Variants in UBR4 observed in about 807,000 individuals in gnomAD.
The protein encoded by UBR4 is E3 ubiquitin-protein ligase UBR4.
UBR4 carries 124 observed loss-of-function variants against 575.6 expected under a neutral mutation model. That is an observed-to-expected ratio of 0.22 (90% CI 0.19 to 0.25). The LOEUF (loss-of-function observed/expected upper bound fraction) is 0.25. Among genes scored for constraint, UBR4 ranks in the 10% least tolerant of loss-of-function variants. The pLI is 1.00. For missense variants in UBR4, 4,818 were observed against 6,478.8 expected, an observed-to-expected ratio of 0.74 and a Z score of 8.80; for synonymous variants, 2,455 against 2,473.7, an observed-to-expected ratio of 0.99 and a Z score of 0.22.
chr1:19,146,417 G>A (rs2084876010), intron 52 of UBR4, among the ~76,000 whole-genome samples: 1 of 152,222 alleles, frequency 6.6e-6, no homozygotes, highest in African/African-American at 2.4e-5. Context: ...TGAGGAAACA[G>A]CACTGAGCAC....
intron 8 of UBR4, among the ~76,000 whole-genome samples, chr1:19,195,939 G>T (rs865901292): frequency 6.9e-6 from 1 of 144,052 alleles, no homozygotes; most frequent in East Asian, 2.0e-4. Flanking sequence ...CAACACCCAC[G>T]AACAGCCATA....
chr1:19,208,766 C>A (rs2093151493), intron 1 of UBR4, among the ~76,000 whole-genome samples: 1 of 152,106 alleles, frequency 6.6e-6, no homozygotes, highest in African/African-American at 2.4e-5. Flanking sequence ...TATTTTATAA[C>A]CTATCCAGCT....
intron 60 of UBR4, among the ~76,000 whole-genome samples, chr1:19,132,605 T>TAAA: frequency 8.3e-4 from 20 of 24,094 alleles, no homozygotes; most frequent in South Asian, 7.0e-3. Flanking sequence ...TAAAAAATGG[T>TAAA]AAAAAAAAAA....
At chr1:19,193,611 A>C (rs2092263647) in intron 8 of UBR4, 54 bp from the exon 9 acceptor site, 1 of 1,548,914 alleles carries the variant, frequency 6.5e-7, no homozygotes, top group Non-Finnish European at 8.7e-7. Flanking sequence ...AGAATCCACC[A>C]AAGCTGAAAC....
chr1:19,137,905 T>C, intron 60 of UBR4, 102 bp downstream of exon 60: 1 of 1,216,500 alleles, frequency 8.2e-7, no homozygotes, highest in Non-Finnish European at 1.1e-6. Context: ...AAAAGAAATA[T>C]GCTGTTATCA....
chr1:19,103,168 G>T (rs984241357), intron 87 of UBR4, among the ~76,000 whole-genome samples: 1 of 152,190 alleles, frequency 6.6e-6, no homozygotes, highest in Non-Finnish European at 1.5e-5. Flanking sequence ...GGTATCATCA[G>T]CAAGAGCCAA....
In UBR4 at chr1:19,165,234, A is replaced by AT. The variant is rs1476890838; in HGVS notation, c.4312+14_4312+15insA. ...CAAAGTTCCCATAAGAAGATTACTA[A>AT]AAGCTGTCACTCACTCAGCTGGAAG... On this transcript the variant is annotated intron_variant, in intron 31 of 105. Transcript: ENST00000375254. 6.2e-7 allele frequency: 1 copy of AT among 1,607,256 alleles called. No individual in the cohort carries two copies. The highest frequency in any genetic ancestry group is 2.2e-5 in the East Asian group (1 of 44,858).
intron 81 of UBR4, among the ~76,000 whole-genome samples, chr1:19,108,668 T>TC (rs774750722): frequency 6.6e-6 from 1 of 152,130 alleles, no homozygotes; most frequent in East Asian, 1.9e-4. Flanking sequence ...ACTGGCTGTC[T>TC]CCCCAGCAGC....
chr1:19,128,300 T>C lies in UBR4; in HGVS notation c.9022A>G (p.Thr3008Ala), dbSNP rs2082038081. Reference protein sequence around the residue: ...PYMQVILMLTTDLDGEDEKDK... With the variant: ...PYMQVILMLTADLDGEDEKDK... ...TTCTCATCTTCTCCATCCAGATCTGTAGTGAGCATTAGAATGACCTAGAAG... is the reference window on the plus strand; with the variant it reads ...TTCTCATCTTCTCCATCCAGATCTGCAGTGAGCATTAGAATGACCTAGAAG... The change falls in exon 62 of 106, where the codon ACA becomes GCA. Residue 3008 changes from threonine (T) to alanine (A), a missense_variant. Around this residue, in one of 29 missense-constraint regions of UBR4, gnomAD observed 87 missense variants for 82.8 expected, o/e 1.05. Coordinates refer to ENST00000375254, the MANE Select transcript of UBR4 (RefSeq NM_020765.3). 1 of 1,613,220 alleles carries C rather than the reference T, an allele frequency of 6.2e-7. No individual in the cohort carries two copies.
rs1035721582 is a variant in UBR4, at chr1:19,088,378, C to G, written c.14430+381G>C. 6.6e-6 allele frequency among the ~76,000 whole-genome samples: 1 copy of G among 152,172 alleles called. No individual in the cohort carries two copies. The highest frequency in any genetic ancestry group is 6.5e-5 in the Admixed American group (1 of 15,292). ...TGGGACAGTTAGAAGAGCACAGAAC[C>G]CTTTGTGTCAACCACTTATTAGTTA... On this transcript the variant is annotated intron_variant, in intron 98 of 105. Transcript: ENST00000375254. This position sits in a 1 kb window ranked among gnomAD's most constrained non-coding sequence, Gnocchi z 4.0.
chr1:19,210,166 C>CCCGGGGTCGTGTCCGCCCCCGTTG lies in UBR4; in HGVS notation c.59_82dup (p.Ala20_Pro27dup), dbSNP rs762883441. 17 of 1,550,468 alleles carry CCCGGGGTCGTGTCCGCCCCCGTTG rather than the reference C, an allele frequency of 1.1e-5. No homozygotes were observed. Among genetic ancestry groups the CCCGGGGTCGTGTCCGCCCCCGTTG allele is most frequent in the East Asian group, 7.7e-5 (3 of 38,890 alleles). On this transcript the variant is annotated inframe_insertion, in exon 1 of 106. Coordinates refer to ENST00000375254, the MANE Select transcript of UBR4 (RefSeq NM_020765.3). ...CAGGGGCCGCACAGCCACCTCCCAG[C>CCCGGGGTCGTGTCCGCCCCCGTTG]CCGGGGTCGTGTCCGCCCCCGTTGC...
chr1:19,142,885 G>A (rs1277654323), intron 55 of UBR4, among the ~76,000 whole-genome samples: 1 of 152,144 alleles, frequency 6.6e-6, no homozygotes, highest in African/African-American at 2.4e-5. Flanking sequence ...ACTTTGGGAG[G>A]CCGAGGCGGG....
chr1:19,160,458 G>A (rs979137032), intron 38 of UBR4, among the ~76,000 whole-genome samples, 177 bp from the exon 39 acceptor site: 1 of 152,088 alleles, frequency 6.6e-6, no homozygotes. Flanking sequence ...CAATCAATAT[G>A]CATTTGTGGT....
At position 19,088,863 on chromosome 1, in the gene UBR4, C is replaced by A; in HGVS notation, c.14326G>T (p.Asp4776Tyr). Residue 4776 changes from aspartate (D) to tyrosine (Y), a missense_variant, in exon 98 of 106, where the codon GAC becomes TAC. Physicochemically the swap from Asp to Tyr is radical, Grantham distance 160. This residue lies in a region of UBR4 where 196 missense variants were observed against 386.8 expected (regional missense o/e 0.51). Coordinates refer to ENST00000375254, the MANE Select transcript of UBR4 (RefSeq NM_020765.3). This position sits in a 1 kb window ranked among gnomAD's most constrained non-coding sequence, Gnocchi z 4.0. ...NLLEALREHP[D>Y]VNKKIDAARR... Reference sequence around the variant, plus strand: ...GCTGCGTCAATCTTCTTGTTTACGTCAGGGTGTTCCCGCAGGGCTTCCAGC... The same window carrying A: ...GCTGCGTCAATCTTCTTGTTTACGTAAGGGTGTTCCCGCAGGGCTTCCAGC... 1 of 1,614,188 alleles carries A rather than the reference C, an allele frequency of 6.2e-7. No individual in the cohort carries two copies. Among genetic ancestry groups the A allele is most frequent in the South Asian group, 1.1e-5 (1 of 91,078 alleles).
In UBR4 at chr1:19,115,598, G is replaced by T. The variant is rs768469027; in HGVS notation, c.10863C>A (p.Thr3621=). The T allele has an allele frequency of 6.2e-7, 1 of 1,614,036 alleles. No homozygotes were observed. Among genetic ancestry groups the T allele is most frequent in the Non-Finnish European group, 8.5e-7 (1 of 1,180,028 alleles). Residue 3621 remains threonine, a synonymous_variant, in exon 74 of 106, where the codon ACC becomes ACA. Coordinates refer to ENST00000375254, the MANE Select transcript of UBR4 (RefSeq NM_020765.3). Reference sequence around the variant, plus strand: ...CAATCTTCACCTCTGTCTGTCCAGGGGTCAGCTGAACCTTCTTGGCTTTGT... The same window carrying T: ...CAATCTTCACCTCTGTCTGTCCAGGTGTCAGCTGAACCTTCTTGGCTTTGT... ...RWHKAKKVQL[T]PGQTEVKIDL...
At chr1:19,124,452 A>T (rs2081513410) in intron 65 of UBR4, 89 bp downstream of exon 65, 1 of 1,533,398 alleles carries the variant, frequency 6.5e-7, no homozygotes, top group Non-Finnish European at 8.8e-7. Context: ...GGGAAATACC[A>T]AGTAAGGATG....
intron 101 of UBR4, 121 bp from the exon 102 acceptor site, chr1:19,084,819 G>T: frequency 1.0e-6 from 1 of 958,212 alleles, no homozygotes; most frequent in Non-Finnish European, 1.5e-6. Flanking sequence ...TGCAAACGGA[G>T]ACAAGAATAC....
At chr1:19,172,810 A>C in intron 25 of UBR4, 54 bp downstream of exon 25, 1 of 1,532,052 alleles carries the variant, frequency 6.5e-7, no homozygotes, top group Non-Finnish European at 9.0e-7. Flanking sequence ...TCAATGCGGG[A>C]TCTGCACGGA....
rs573249025 is a variant in UBR4 at position 19,100,954 on chromosome 1, G to A, written c.13024-381C>T. Among the ~76,000 whole-genome samples, 587 of 152,138 alleles carry A rather than the reference G, an allele frequency of 3.9e-3. 4 individuals carry two copies. Among genetic ancestry groups the A allele is most frequent in the Middle Eastern group, 0.017 (5 of 294 alleles). ...GGGGCCAGAGGACTTTGTCACTGAT[G>A]ACCCTGAAGTCAAGAAAAGGGCTTC... On this transcript the variant is annotated intron_variant, in intron 88 of 105. Transcript: ENST00000375254. This position sits in a 1 kb window ranked among gnomAD's most constrained non-coding sequence, Gnocchi z 4.2.
Sources: allele counts gnomAD v4.1 joint callset (sites outside exome capture counted in the v4.1 genomes callset), GRCh38; gene constraint gnomAD v4.1.1; regional missense constraint gnomAD v4.1.1; non-coding constraint Gnocchi (gnomAD v3.1); transcripts MANE v1.5; gene names NCBI Gene and HGNC (gene_info 2026-07-23, HGNC 2026-07-21).